The following CACNA1C variants were observed in gnomAD, a reference collection of about 807,000 sequenced individuals.
The protein encoded by CACNA1C is calcium voltage-gated channel subunit alpha1 C.
A neutral mutation model predicts 229.0 loss-of-function variants in CACNA1C; 30 were observed. That is an observed-to-expected ratio of 0.13 (90% CI 0.10 to 0.18). The LOEUF (loss-of-function observed/expected upper bound fraction) is 0.18. Ranked by LOEUF, CACNA1C falls within the 10% of genes least tolerant of loss-of-function variation. The pLI is 1.00. For missense variants in CACNA1C, 1,658 were observed against 2,845.0 expected (o/e 0.58, Z 9.49); for synonymous variants, 1,114 against 1,132.5 (o/e 0.98, Z 0.33).
At chr12:2,372,759 G>C (rs2097905794) in intron 3 of CACNA1C, among the ~76,000 whole-genome samples, 1 of 152,172 alleles carries the variant, frequency 6.6e-6, no homozygotes, top group African/African-American at 2.4e-5. Flanking sequence ...CCTGCCCCCT[G>C]GCATGTTCCT....
intron 3 of CACNA1C, among the ~76,000 whole-genome samples, chr12:2,254,956 G>A (rs531741338): frequency 6.6e-6 from 1 of 152,322 alleles, no homozygotes; most frequent in East Asian, 1.9e-4. Context: ...GCTTAGCTTA[G>A]TATTTCCTTT....
intron 3 of CACNA1C, among the ~76,000 whole-genome samples, chr12:2,154,064 T>C (rs2154220144): frequency 6.6e-6 from 1 of 152,316 alleles, no homozygotes; most frequent in East Asian, 1.9e-4. Flanking sequence ...ATTCCCGGCC[T>C]CTTCTCTCAC....
At position 2,697,446 on chromosome 12, in the gene CACNA1C, A is replaced by G. The variant is rs1446204501; in HGVS notation, c.*6247A>G. The G allele has an allele frequency of 6.6e-6, 1 of 152,122 alleles. No individual in the cohort carries two copies. Among genetic ancestry groups the G allele is most frequent in the Non-Finnish European group, 1.5e-5 (1 of 68,026 alleles). The allele number at this position is 152,122 out of a possible 1,614,324, so 9.4% of individuals were successfully genotyped here. A position where few individuals can be genotyped will look rare whatever the true frequency, so the allele number is the denominator to read the frequency against. On this transcript the variant is annotated 3_prime_UTR_variant, in exon 47 of 47. Coordinates refer to ENST00000399655, the MANE Select transcript of CACNA1C (RefSeq NM_000719.7). ...CTCATAATATTGCTGTTTTATTTTA[A>G]TCCACCAGAGCTACCATGCAAAACT...
intron 9 of CACNA1C, among the ~76,000 whole-genome samples, chr12:2,519,300 G>A (rs927675450): frequency 1.3e-4 from 20 of 152,276 alleles, no homozygotes; most frequent in East Asian, 5.8e-4. Flanking sequence ...ACGAACACAC[G>A]CAAACGCGAG....
chr12:2,551,830 G>A (rs529609709), intron 10 of CACNA1C, among the ~76,000 whole-genome samples: 3 of 152,184 alleles, frequency 2.0e-5, no homozygotes, highest in Non-Finnish European at 2.9e-5. Flanking sequence ...GGAAGGAGCC[G>A]TCACAGTCAG....
intron 3 of CACNA1C, among the ~76,000 whole-genome samples, chr12:2,197,983 A>T (rs1413203767): frequency 6.6e-6 from 1 of 152,188 alleles, no homozygotes; most frequent in Non-Finnish European, 1.5e-5. Context: ...TTGTAAGTTT[A>T]ATTCAAATTT....
At chr12:2,638,439 A>G (rs1386376752) in intron 30 of CACNA1C, among the ~76,000 whole-genome samples, 2 of 152,056 alleles carry the variant, frequency 1.3e-5, no homozygotes, top group African/African-American at 4.8e-5. Context: ...AGGGGTAACT[A>G]ACAGGTTCCA....
At chr12:2,349,194 G>A (rs1418977805) in intron 3 of CACNA1C, among the ~76,000 whole-genome samples, 1 of 152,192 alleles carries the variant, frequency 6.6e-6, no homozygotes, top group African/African-American at 2.4e-5. Context: ...CCCATGGACT[G>A]GAAAACGTCA....
At chr12:2,670,024 C>T (rs562269453) in intron 38 of CACNA1C, among the ~76,000 whole-genome samples, 38 of 152,208 alleles carry the variant, frequency 2.5e-4, no homozygotes, top group African/African-American at 8.2e-4. Flanking sequence ...TTTCTTAGAG[C>T]GTGGTCAAAA....
intron 7 of CACNA1C, among the ~76,000 whole-genome samples, chr12:2,499,160 C>T (rs149241812): frequency 2.1e-4 from 32 of 152,202 alleles, no homozygotes; most frequent in Non-Finnish European, 3.7e-4. Context: ...GGTAGCTGCC[C>T]GTGTCCCAGC....
chr12:2,695,810 T>A lies in CACNA1C; in HGVS notation c.*4611T>A, dbSNP rs10466907. On this transcript the variant is annotated 3_prime_UTR_variant, in exon 47 of 47. Coordinates refer to ENST00000399655, the MANE Select transcript of CACNA1C (RefSeq NM_000719.7). The stretch of plus-strand genomic sequence containing the variant: ...TATTCTTATGTCAAAGCAATGAAAC[T>A]TTTCTTTCTGGAGCCAGATACCAAT... 2 of 152,068 alleles carry A rather than the reference T, an allele frequency of 1.3e-5. No individual in the cohort carries two copies. The highest frequency in any genetic ancestry group is 4.8e-5 in the African/African-American group (2 of 41,332). 9.4% of individuals were successfully genotyped at this position (152,068 alleles called of 1,614,324 possible).
At chr12:2,089,892 G>A (rs907930650) in intron 1 of CACNA1C, among the ~76,000 whole-genome samples, 7 of 152,020 alleles carry the variant, frequency 4.6e-5, no homozygotes, top group East Asian at 1.9e-4. Flanking sequence ...AGCCGGGCGT[G>A]GTGGCAGGCG....
At position 2,642,318 on chromosome 12, in the gene CACNA1C, G is replaced by A. The variant is rs976592426; in HGVS notation, c.3913-6157G>A. Among the ~76,000 whole-genome samples, 7 of 152,196 alleles carry A rather than the reference G, an allele frequency of 4.6e-5. No individual in the cohort carries two copies. In the East Asian group the frequency reaches 1.2e-3, roughly 25 times the overall value. On this transcript the variant is annotated intron_variant, in intron 30 of 46. Transcript: ENST00000399655. ...CTTATCAACCCACATACGGCCCTCT[G>A]TTCCCTTCCCCTCCGTGTAAGGGTG...
intron 3 of CACNA1C, among the ~76,000 whole-genome samples, chr12:2,192,980 T>A (rs770396139): frequency 6.6e-6 from 1 of 152,352 alleles, no homozygotes; most frequent in Non-Finnish European, 1.5e-5. Flanking sequence ...GCTGTCTGTT[T>A]GAGCAGATTT....
At chr12:2,674,664 G>T (rs775798309) in intron 39 of CACNA1C, 22 bp downstream of exon 39, 1 of 1,540,312 alleles carries the variant, frequency 6.5e-7, no homozygotes, top group Non-Finnish European at 8.8e-7. Flanking sequence ...CTGGACTCCC[G>T]CACCTTGGCC....
chr12:2,115,655 G>A (rs915018295), intron 2 of CACNA1C, 110 bp downstream of exon 2: 26 of 987,396 alleles, frequency 2.6e-5, no homozygotes, highest in Admixed American at 6.2e-5. Flanking sequence ...GCTACAAACG[G>A]GGCCTCGGGC....
chr12:2,166,278 C>T (rs1002528894), intron 3 of CACNA1C, among the ~76,000 whole-genome samples: 1 of 152,218 alleles, frequency 6.6e-6, no homozygotes, highest in Non-Finnish European at 1.5e-5. Context: ...AGGCCTCTAC[C>T]ATCAGTAGTC....
At position 2,692,701 on chromosome 12, in the gene CACNA1C, G is replaced by T. The variant is rs1364508399; in HGVS notation, c.*1502G>T. ...GAAATTTAAGGGAAAAACACAAGAA[G>T]GCATTTTGCTTCAATATATTCCGTG... On this transcript the variant is annotated 3_prime_UTR_variant, in exon 47 of 47. Transcript: ENST00000399655. The T allele has an allele frequency of 6.6e-6, 1 of 152,588 alleles. No homozygotes were observed. Among genetic ancestry groups the T allele is most frequent in the African/African-American group, 2.4e-5 (1 of 41,444 alleles). 9.5% of individuals were successfully genotyped at this position (152,588 alleles called of 1,614,324 possible). A position where few individuals can be genotyped will look rare whatever the true frequency, so the allele number is the denominator to read the frequency against.
intron 7 of CACNA1C, among the ~76,000 whole-genome samples, chr12:2,496,346 G>T (rs1290914948): frequency 6.6e-6 from 1 of 152,168 alleles, no homozygotes; most frequent in Non-Finnish European, 1.5e-5. Flanking sequence ...AGGCACAAGG[G>T]CAAGTCTAAA....
Sources: allele counts gnomAD v4.1 joint callset (sites outside exome capture counted in the v4.1 genomes callset), GRCh38; gene constraint gnomAD v4.1.1; transcripts MANE v1.5; gene names NCBI Gene and HGNC (gene_info 2026-07-23, HGNC 2026-07-21).